The following TBC1D5 variants were observed in gnomAD, a reference collection of about 807,000 sequenced individuals.
TBC1D5 encodes the protein TBC1 domain family member 5.
Under a neutral mutation model 100.3 loss-of-function variants are expected in TBC1D5, and 75 were observed. That is an observed-to-expected ratio of 0.75 (90% confidence interval 0.62 to 0.91). The LOEUF (loss-of-function observed/expected upper bound fraction) is 0.91. Ranked by LOEUF, TBC1D5 falls within the 40% of genes least tolerant of loss-of-function variation. TBC1D5 has a pLI of 0.00. For synonymous variants in TBC1D5, 323 were observed against 325.6 expected (o/e 0.99, Z 0.09); for missense variants, 910 against 942.4 (o/e 0.97, Z 0.45).
At chr3:17,580,928 C>A (rs996588040) in intron 2 of TBC1D5, among the ~76,000 whole-genome samples, 2 of 152,174 alleles carry the variant, frequency 1.3e-5, no homozygotes, top group African/African-American at 4.8e-5. Flanking sequence ...TCTTCTCTAT[C>A]TATATTTACT....
intron 2 of TBC1D5, among the ~76,000 whole-genome samples, chr3:17,574,402 C>T (rs745482449): frequency 6.6e-6 from 1 of 152,082 alleles, no homozygotes; most frequent in Admixed American, 6.6e-5. Context: ...TATATCCCCA[C>T]TCCCACTGAA....
intron 3 of TBC1D5, among the ~76,000 whole-genome samples, chr3:17,491,924 C>T (rs1010482715): frequency 6.6e-6 from 1 of 152,114 alleles, no homozygotes; most frequent in Non-Finnish European, 1.5e-5. Context: ...CCACCTGGTC[C>T]TGGGCTTTTT....
chr3:17,211,540 T>C (rs139138390), intron 18 of TBC1D5, among the ~76,000 whole-genome samples: 1 of 152,350 alleles, frequency 6.6e-6, no homozygotes, highest in African/African-American at 2.4e-5. Flanking sequence ...TTCAGAAGCT[T>C]CTGACCAGTT....
intron 3 of TBC1D5, among the ~76,000 whole-genome samples, chr3:17,458,842 A>G (rs1046182577): frequency 1.3e-5 from 2 of 152,208 alleles, no homozygotes; most frequent in Non-Finnish European, 2.9e-5. Context: ...GTGGTTTTCA[A>G]AGCTTACTAA....
intron 1 of TBC1D5, among the ~76,000 whole-genome samples, chr3:17,693,242 G>A (rs1047748454): frequency 6.6e-6 from 1 of 152,198 alleles, no homozygotes; most frequent in Non-Finnish European, 1.5e-5. Context: ...TGGACATTGG[G>A]TGCAGCCCAC....
chr3:17,600,823 C>CG (rs199619215), intron 2 of TBC1D5, among the ~76,000 whole-genome samples: 3,229 of 151,944 alleles, frequency 0.021, 96 homozygotes, highest in African/African-American at 0.073. Context: ...TTTGAAAGAC[C>CG]GGGCGGGGGA....
chr3:17,553,457 A>C (rs2096490366), intron 2 of TBC1D5, among the ~76,000 whole-genome samples: 1 of 152,186 alleles, frequency 6.6e-6, no homozygotes, highest in South Asian at 2.1e-4. Context: ...ATTTAACAAA[A>C]CTACAAATGT....
chr3:17,331,404 G>T (rs185483446), intron 13 of TBC1D5, among the ~76,000 whole-genome samples: 126 of 152,144 alleles, frequency 8.3e-4, no homozygotes, highest in African/African-American at 2.9e-3. Context: ...CTTCTTCCCT[G>T]GTCCCTGTGA....
At chr3:17,634,565 T>A (rs2063748277) in intron 1 of TBC1D5, among the ~76,000 whole-genome samples, 1 of 150,656 alleles carries the variant, frequency 6.6e-6, no homozygotes, top group Non-Finnish European at 1.5e-5. Context: ...GAAAAATGGT[T>A]ACCAGAGGCT....
At chr3:17,168,368 T>C (rs1414822326) in intron 19 of TBC1D5, among the ~76,000 whole-genome samples, 1 of 152,132 alleles carries the variant, frequency 6.6e-6, no homozygotes, top group African/African-American at 2.4e-5. Flanking sequence ...TAGATGACAA[T>C]GTCTATGGAG....
At chr3:17,280,101 T>C (rs539987441) in intron 15 of TBC1D5, among the ~76,000 whole-genome samples, 1 of 152,174 alleles carries the variant, frequency 6.6e-6, no homozygotes, top group African/African-American at 2.4e-5. Flanking sequence ...ACAAAAAACA[T>C]TGTCTTCACG....
chr3:17,171,623 A>G (rs1174089484), intron 19 of TBC1D5, among the ~76,000 whole-genome samples: 1 of 152,018 alleles, frequency 6.6e-6, no homozygotes, highest in Admixed American at 6.5e-5. Context: ...TCTGTTATCG[A>G]AATTCCCCTC....
intron 8 of TBC1D5, among the ~76,000 whole-genome samples, chr3:17,393,074 CTG>C (rs1314360811): frequency 4.2e-5 from 6 of 141,486 alleles, no homozygotes; most frequent in African/African-American, 1.8e-4. Flanking sequence ...TGGTATCTCA[CTG>C]TGGTTTTGAT....
intron 20 of TBC1D5, among the ~76,000 whole-genome samples, 189 bp downstream of exon 21, chr3:17,167,560 C>T (rs1474899002): frequency 6.6e-6 from 1 of 152,108 alleles, no homozygotes; most frequent in African/African-American, 2.4e-5. Flanking sequence ...GCGTGGGTCG[C>T]AAGCTAGTCA....
chr3:17,652,249 ATAATCT>A (rs1391781714), intron 1 of TBC1D5, among the ~76,000 whole-genome samples: 1 of 152,194 alleles, frequency 6.6e-6, no homozygotes, highest in Non-Finnish European at 1.5e-5. Flanking sequence ...TTCTAGTAGA[ATAATCT>A]TTCTTCCTTT....
chr3:17,566,465 G>T (rs1009795536), intron 2 of TBC1D5, among the ~76,000 whole-genome samples: 1 of 151,874 alleles, frequency 6.6e-6, no homozygotes, highest in Admixed American at 6.6e-5. Context: ...AGGGATCCCC[G>T]TCTGGAGCAA....
rs563071778 is a variant in TBC1D5 at position 17,720,172 on chromosome 3, T to C, written c.-101+19171A>G. 2.6e-5 allele frequency among the ~76,000 whole-genome samples: 4 copies of C among 152,334 alleles called. No homozygotes were observed. The East Asian group carries it at 5.8e-4, about 22-fold the overall frequency. On this transcript the variant is annotated intron_variant, in intron 1 of 21. Coordinates refer to ENST00000253692, the Ensembl canonical transcript of TBC1D5. ...TTTTACCCAAATCACTTTCAAGTATTTGACTGAAGATCCTGCAACTTTTTA... is the reference window on the plus strand; with the variant it reads ...TTTTACCCAAATCACTTTCAAGTATCTGACTGAAGATCCTGCAACTTTTTA...
chr3:17,479,913 G>A (rs946785357), intron 3 of TBC1D5, among the ~76,000 whole-genome samples: 8 of 152,248 alleles, frequency 5.3e-5, no homozygotes, highest in East Asian at 1.9e-4. Context: ...GGAGCCCCAC[G>A]CTCTGGGGCA....
intron 18 of TBC1D5, among the ~76,000 whole-genome samples, chr3:17,206,035 T>C (rs1198904692): frequency 6.6e-6 from 1 of 152,194 alleles, no homozygotes; most frequent in Non-Finnish European, 1.5e-5. Flanking sequence ...TTTAGATGTG[T>C]CAGGGGATGT....
Sources: allele counts gnomAD v4.1 joint callset (sites outside exome capture counted in the v4.1 genomes callset), GRCh38; gene constraint gnomAD v4.1.1; transcripts MANE v1.5; gene names NCBI Gene and HGNC (gene_info 2026-07-23, HGNC 2026-07-21).